TP53BP1: variants seen among roughly 807,000 people sequenced by gnomAD.
TP53BP1 encodes TP53-binding protein 1.
Under a neutral mutation model 200.8 loss-of-function variants are expected in TP53BP1, and 61 were observed. That is an observed-to-expected ratio of 0.30 (90% CI 0.25 to 0.38). TP53BP1 has a LOEUF of 0.38. Among genes scored for constraint, TP53BP1 ranks in the 10% least tolerant of loss-of-function variants. TP53BP1 has a pLI of 1.00. For missense variants in TP53BP1, 2,144 were observed against 2,371.9 expected (o/e 0.90, Z 2.00); for synonymous variants, 822 against 844.3 (o/e 0.97, Z 0.46).
intron 11 of TP53BP1, among the ~76,000 whole-genome samples, chr15:43,462,517 A>G (rs984551744): frequency 6.6e-6 from 1 of 151,498 alleles, no homozygotes; most frequent in Non-Finnish European, 1.5e-5. Context: ...GGGCCTCACT[A>G]TGTTGCCCAG....
At chr15:43,460,860 C>G (rs1262905274) in intron 11 of TP53BP1, among the ~76,000 whole-genome samples, 1 of 133,178 alleles carries the variant, frequency 7.5e-6, no homozygotes, top group South Asian at 2.4e-4. Context: ...CTGTCTCTAC[C>G]AAAAAAAAAA....
At chr15:43,419,959 C>T (rs1207514037) in intron 21 of TP53BP1, among the ~76,000 whole-genome samples, 1 of 152,150 alleles carries the variant, frequency 6.6e-6, no homozygotes, top group Non-Finnish European at 1.5e-5. Flanking sequence ...AATAGTAATA[C>T]ACCAAGGTTG....
chr15:43,479,719 A>G (rs1566960688), intron 6 of TP53BP1, 140 bp downstream of exon 6: 1 of 1,210,994 alleles, frequency 8.3e-7, no homozygotes, highest in Non-Finnish European at 1.1e-6. Context: ...ACAAGTATTT[A>G]CCAGAAAACT....
chr15:43,404,579 T>C lies in TP53BP1; in HGVS notation c.*2804A>G. The C allele has an allele frequency of 6.2e-7, 1 of 1,609,862 alleles. No individual in the cohort carries two copies. Among genetic ancestry groups the C allele is most frequent in the Non-Finnish European group, 8.5e-7 (1 of 1,178,152 alleles). ...TAGGAGCAACCCTTGGGTAACTCAG[T>C]AGACTTTTTAAGGTGGCTTTTTAAT... On this transcript the variant is annotated 3_prime_UTR_variant, in exon 28 of 28. Coordinates refer to ENST00000382044, the MANE Select transcript of TP53BP1 (RefSeq NM_001141980.3).
Position 43,441,600 on chromosome 15 carries a change from C to G in TP53BP1, c.3041-17G>C. On this transcript the variant is annotated splice_polypyrimidine_tract_variant and intron_variant, in intron 14 of 27. Coordinates refer to ENST00000382044, the MANE Select transcript of TP53BP1 (RefSeq NM_001141980.3). The stretch of plus-strand genomic sequence containing the variant: ...TTGCAGGCTCTGAATAAAAACAAAA[C>G]CAAGGAGAGAAAGGAAAGAGAAACA... 1 of 1,589,910 alleles carries G rather than the reference C, an allele frequency of 6.3e-7. No homozygotes were observed. The highest frequency in any genetic ancestry group is 1.1e-5 in the South Asian group (1 of 90,630).
intron 10 of TP53BP1, 110 bp downstream of exon 10, chr15:43,474,563 G>T: frequency 6.4e-6 from 4 of 625,296 alleles, no homozygotes; most frequent in South Asian, 2.2e-5. Flanking sequence ...CTACCGAATT[G>T]TGTAGGTCAC....
chr15:43,409,610 T>C (rs903198388), intron 25 of TP53BP1, 37 bp downstream of exon 25: 1 of 1,176,902 alleles, frequency 8.5e-7, no homozygotes. Flanking sequence ...GCTCTTATCA[T>C]TGCCACTATA....
chr15:43,410,831 T>C (rs1877596964), intron 24 of TP53BP1, among the ~76,000 whole-genome samples: 1 of 152,158 alleles, frequency 6.6e-6, no homozygotes, highest in South Asian at 2.1e-4. Context: ...GGTCTCCATC[T>C]CCACTTAGTT....
At position 43,422,060 on chromosome 15, in the gene TP53BP1, C is replaced by G. The variant is rs1303593530; in HGVS notation, c.3895G>C (p.Gly1299Arg). 1 of 1,613,976 alleles carries G rather than the reference C, an allele frequency of 6.2e-7. No homozygotes were observed. The highest frequency in any genetic ancestry group is 1.7e-5 in the Admixed American group (1 of 59,996). The change falls in exon 19 of 28, where the codon GGC (glycine) becomes CGC (arginine). Residue 1299 changes from glycine to arginine, a missense_variant. Coordinates refer to ENST00000382044, the MANE Select transcript of TP53BP1 (RefSeq NM_001141980.3). ...ATATCCCCCAGGTCACCTGAGGAGCCCCCAGTCTGTGAAGGGGAAACTTCA... is the reference window on the plus strand; with the variant it reads ...ATATCCCCCAGGTCACCTGAGGAGCGCCCAGTCTGTGAAGGGGAAACTTCA... ...ETEVSPSQTG[G>R]SSGDLGDISS...
At position 43,498,930 on chromosome 15, in the gene TP53BP1, T is replaced by C. The variant is rs45589035; in HGVS notation, c.-8-6462A>G. On this transcript the variant is annotated intron_variant, in intron 1 of 27. Transcript: ENST00000263801. ...CAGCATGAGGACAAGAGAAGGAATA[T>C]ACTTAGAGACTATGGAAACTGCCAG... Among the ~76,000 whole-genome samples, 1,166 of 151,948 alleles carry C rather than the reference T, an allele frequency of 7.7e-3. 15 individuals carry two copies. Among genetic ancestry groups the C allele is most frequent in the African/African-American group, 0.027 (1,104 of 41,440 alleles).
At chr15:43,418,207 C>A (rs1486525337) in intron 21 of TP53BP1, among the ~76,000 whole-genome samples, 3 of 143,452 alleles carry the variant, frequency 2.1e-5, no homozygotes, top group Non-Finnish European at 4.5e-5. Flanking sequence ...AAAAAAAAAT[C>A]CATTTTTTGG....
chr15:43,405,009 C>A lies in TP53BP1; in HGVS notation c.*2374G>T. On this transcript the variant is annotated 3_prime_UTR_variant, in exon 28 of 28. Transcript: ENST00000382044. ...GGTCTGTCATTCCCATTCAGAAAAT[C>A]ACTTCATTGTCCTTTCTCTCTAAAA... 1 of 593,214 alleles carries A rather than the reference C, an allele frequency of 1.7e-6. No individual in the cohort carries two copies. Among genetic ancestry groups the A allele is most frequent in the South Asian group, 2.5e-5 (1 of 40,166 alleles). The allele number at this position is 593,214 out of a possible 1,614,324, so 36.7% of individuals were successfully genotyped here. A position where few individuals can be genotyped will look rare whatever the true frequency, so the allele number is the denominator to read the frequency against.
At chr15:43,467,749 C>CA (rs2046620943) in intron 11 of TP53BP1, among the ~76,000 whole-genome samples, 2 of 151,840 alleles carry the variant, frequency 1.3e-5, no homozygotes, top group African/African-American at 4.8e-5. Flanking sequence ...AGAATCTTCT[C>CA]AGTGCTCTGT....
At chr15:43,500,201 A>T (rs2079202481) in intron 1 of TP53BP1, among the ~76,000 whole-genome samples, 1 of 152,206 alleles carries the variant, frequency 6.6e-6, no homozygotes, top group South Asian at 2.1e-4. Context: ...TTAAAATTGA[A>T]CTCATCTCTT....
intron 16 of TP53BP1, among the ~76,000 whole-genome samples, chr15:43,433,897 T>C (rs1159746635): frequency 3.3e-5 from 5 of 152,170 alleles, no homozygotes; most frequent in Non-Finnish European, 1.5e-5. Context: ...ATCCTTAGGA[T>C]CTCAGCTTTC....
chr15:43,487,280 T>G (rs373226510), intron 4 of TP53BP1, among the ~76,000 whole-genome samples: 2 of 151,894 alleles, frequency 1.3e-5, no homozygotes, highest in African/African-American at 2.4e-5. Context: ...ACTACAGACT[T>G]GTAATGGCTA....
chr15:43,456,404 T>C lies in TP53BP1; in HGVS notation c.2204A>G (p.Lys735Arg). Residue 735 changes from lysine to arginine, a missense_variant, in exon 12 of 28, where the codon AAG becomes AGG. By Grantham distance (26) the Lys-to-Arg change is conservative (BLOSUM62 2). Around this residue, in one of 4 missense-constraint regions of TP53BP1, gnomAD observed 1,700 missense variants for 1,710.3 expected, o/e 0.99. Coordinates refer to ENST00000382044, the MANE Select transcript of TP53BP1 (RefSeq NM_001141980.3). ...CAATTCTTGGTCAAGTATTGCCAAC[T>C]TTTGAGGGGAATCAATACTAATCAC... is the stretch of plus-strand genomic sequence containing the variant. The part of the protein sequence containing the change: ...TSVISIDSPQ[K>R]LAILDQELEH... The C allele has an allele frequency of 6.3e-7, 1 of 1,598,274 alleles. No homozygotes were observed. Among genetic ancestry groups the C allele is most frequent in the Non-Finnish European group, 8.5e-7 (1 of 1,174,782 alleles).
chr15:43,480,324 T>C (rs1255451253), intron 5 of TP53BP1, among the ~76,000 whole-genome samples: 1 of 152,056 alleles, frequency 6.6e-6, no homozygotes, highest in East Asian at 1.9e-4. Flanking sequence ...GGCGCACACA[T>C]GTAATCCTGG....
chr15:43,506,808 T>C (rs1266926978), intron 1 of TP53BP1, among the ~76,000 whole-genome samples: 1 of 152,210 alleles, frequency 6.6e-6, no homozygotes, highest in African/African-American at 2.4e-5. Context: ...GGCAGGAGAA[T>C]AGTGTCTGGA....
Sources: gnomAD v4.1 joint callset for allele counts (sites outside exome capture counted in the v4.1 genomes callset) on GRCh38, gnomAD v4.1.1 for gene constraint, gnomAD v4.1.1 regional missense constraint, MANE v1.5 for transcripts, NCBI Gene and HGNC (gene_info 2026-07-23, HGNC 2026-07-21) for gene names.